Variants in KIF25 observed in about 807,000 individuals in gnomAD.
The protein encoded by KIF25 is kinesin-like protein KIF25.
KIF25 carries 19 observed loss-of-function variants against 32.9 expected under a neutral mutation model. The observed-to-expected ratio is 0.58, with a 90% CI of 0.40 to 0.85. The LOEUF (loss-of-function observed/expected upper bound fraction) is 0.85. Ranked by LOEUF, KIF25 falls within the 40% of genes least tolerant of loss-of-function variation. The pLI is 0.00. For missense variants in KIF25, 485 were observed against 507.0 expected (o/e 0.96, Z 0.42); for synonymous variants, 225 against 213.7 (o/e 1.05, Z -0.46).
Position 168,033,922 on chromosome 6 carries a change from G to A in KIF25, c.208G>A (p.Gly70Arg), listed in dbSNP as rs746548637. 40 of 1,613,994 alleles carry A rather than the reference G, an allele frequency of 2.5e-5. No individual in the cohort carries two copies. Among genetic ancestry groups the A allele is most frequent in the East Asian group, 1.1e-4 (5 of 44,896 alleles). The change falls in exon 8 of 13, where the codon GGA becomes AGA. Residue 70 changes from glycine to arginine, a missense_variant. Physicochemically the swap from Gly to Arg is moderately radical, Grantham distance 125 (BLOSUM62 -2). Transcript: ENST00000643607. ...TATGGCGTATGGACAGACGGGCAGC[G>A]GAAAGAGCTATACCATGCTGGGACG... ...CVMAYGQTGS[G>R]KSYTMLGRHS...
At chr6:168,014,185 C>T (rs1306611875) in intron 4 of KIF25, among the ~76,000 whole-genome samples, 1 of 152,120 alleles carries the variant, frequency 6.6e-6, no homozygotes, top group Non-Finnish European at 1.5e-5. Flanking sequence ...AATTGCCTTT[C>T]TACGCTTCCC....
chr6:168,025,309 C>A (rs1330496014), intron 5 of KIF25, among the ~76,000 whole-genome samples: 1 of 152,122 alleles, frequency 6.6e-6, no homozygotes, highest in Non-Finnish European at 1.5e-5. Flanking sequence ...GCCGCTGCTC[C>A]AACTTCTCAT....
At position 168,031,735 on chromosome 6, in the gene KIF25, C is replaced by T. The variant is rs1344912377; in HGVS notation, c.167+888C>T. On this transcript the variant is annotated intron_variant, in intron 7 of 12. Coordinates refer to ENST00000643607, the MANE Select transcript of KIF25 (RefSeq NM_030615.4). ...CAGATTCCAGAAATAAAAAAGACAT[C>T]GTGGTCACAGTGATCACTGCCAGAA... Among the ~76,000 whole-genome samples the T allele has an allele frequency of 4.6e-5, 7 of 152,180 alleles. No individual in the cohort carries two copies. The East Asian group carries it at 9.6e-4, about 21-fold the overall frequency.
chr6:168,041,885 C>T (rs1799124244), intron 10 of KIF25, 84 bp from the exon 11 acceptor site: 1 of 1,385,478 alleles, frequency 7.2e-7, no homozygotes, highest in Admixed American at 2.1e-5. Flanking sequence ...AGTTCAGAAG[C>T]TTCTCGGCTC....
rs547025698 is a variant in KIF25 at position 168,003,678 on chromosome 6, G to T, written c.-188G>T. On this transcript the variant is annotated 5_prime_UTR_variant, in exon 4 of 13. Coordinates refer to ENST00000643607, the MANE Select transcript of KIF25 (RefSeq NM_030615.4). ...GAGTCTACAAGTTTCCTCACAAATTGTATTCAGAGAGCAGCTTCCTGCTTG... is the reference window on the plus strand; with the variant it reads ...GAGTCTACAAGTTTCCTCACAAATTTTATTCAGAGAGCAGCTTCCTGCTTG... 2.0e-5 allele frequency: 3 copies of T among 152,336 alleles called. No individual in the cohort carries two copies. In the South Asian group the frequency reaches 6.2e-4, roughly 32 times the overall value. The allele number at this position is 152,336 out of a possible 1,614,324, so 9.4% of individuals were successfully genotyped here.
At chr6:168,015,419 T>C (rs1336677495) in intron 4 of KIF25, among the ~76,000 whole-genome samples, 2 of 152,232 alleles carry the variant, frequency 1.3e-5, no homozygotes, top group Non-Finnish European at 2.9e-5. Context: ...AAAAACTAGA[T>C]GCTACAGCAT....
At chr6:168,031,736 G>A (rs532778597) in intron 7 of KIF25, among the ~76,000 whole-genome samples, 3 of 152,318 alleles carry the variant, frequency 2.0e-5, no homozygotes, top group Admixed American at 6.5e-5. Context: ...AAAAGACATC[G>A]TGGTCACAGT....
Position 168,030,858 on chromosome 6 carries a change from A to T in KIF25, c.167+11A>T, listed in dbSNP as rs375805319. On this transcript the variant is annotated intron_variant, in intron 7 of 12. Coordinates refer to ENST00000643607, the MANE Select transcript of KIF25 (RefSeq NM_030615.4). The stretch of plus-strand genomic sequence containing the variant: ...TTCTCTCTTGGATGGGTGAGTTAAA[A>T]TATTTTTAAGGCCAGTCATCATAGT... 4.2e-5 allele frequency: 67 copies of T among 1,599,424 alleles called. No individual in the cohort carries two copies. In the African/African-American group the frequency reaches 8.3e-4, roughly 20 times the overall value.
At chr6:168,037,850 G>C (rs1799046973) in intron 8 of KIF25, among the ~76,000 whole-genome samples, 1 of 152,104 alleles carries the variant, frequency 6.6e-6, no homozygotes, top group Admixed American at 6.5e-5. Context: ...CGAGTAGTTG[G>C]GACTACAGGC....
At chr6:168,023,520 G>T (rs981803913) in intron 5 of KIF25, among the ~76,000 whole-genome samples, 26 of 151,968 alleles carry the variant, frequency 1.7e-4, no homozygotes, top group African/African-American at 6.3e-4. Context: ...GGCCCACCTT[G>T]GTCTCCCAAA....
intron 4 of KIF25, among the ~76,000 whole-genome samples, chr6:168,009,299 G>C (rs926157524): frequency 6.7e-6 from 1 of 148,896 alleles, no homozygotes; most frequent in Non-Finnish European, 1.5e-5. Flanking sequence ...TGAATATTTT[G>C]AAAAGCTTTT....
intron 7 of KIF25, among the ~76,000 whole-genome samples, chr6:168,031,348 C>A (rs981296486): frequency 6.6e-6 from 1 of 152,196 alleles, no homozygotes; most frequent in Non-Finnish European, 1.5e-5. Context: ...ATACTTTCCA[C>A]TCTGGGGCAT....
At chr6:168,016,321 G>T (rs144653385) in intron 4 of KIF25, among the ~76,000 whole-genome samples, 1 of 152,220 alleles carries the variant, frequency 6.6e-6, no homozygotes, top group Non-Finnish European at 1.5e-5. Flanking sequence ...TGACTGCCCA[G>T]TAAATACTCA....
intron 12 of KIF25, among the ~76,000 whole-genome samples, chr6:168,043,524 T>A (rs567360907): frequency 6.6e-6 from 1 of 152,306 alleles, no homozygotes; most frequent in South Asian, 2.1e-4. Flanking sequence ...CATTGTGGGG[T>A]ATTTCCCCCT....
At chr6:168,032,639 T>C (rs4708628) in intron 7 of KIF25, among the ~76,000 whole-genome samples, 36,627 of 152,136 alleles carry the variant, frequency 0.24, 4,733 homozygotes, top group Non-Finnish European at 0.32. Flanking sequence ...CCTGTCCTTT[T>C]CTAGGGGAGA....
chr6:168,024,976 G>A (rs531474741), intron 5 of KIF25, among the ~76,000 whole-genome samples: 7 of 152,184 alleles, frequency 4.6e-5, no homozygotes, highest in African/African-American at 1.4e-4. Flanking sequence ...GCATGAACCC[G>A]GGAGGCAGAG....
intron 2 of KIF25, among the ~76,000 whole-genome samples, chr6:168,001,722 C>T (rs1016080842): frequency 4.1e-5 from 3 of 72,958 alleles, no homozygotes; most frequent in Admixed American, 2.5e-4. Flanking sequence ...GGCGTGGCCG[C>T]GGGCAGGTGA....
chr6:168,006,936 C>G (rs1269317055), intron 4 of KIF25, among the ~76,000 whole-genome samples: 3 of 152,170 alleles, frequency 2.0e-5, no homozygotes, highest in Admixed American at 6.5e-5. Context: ...ATTGCTCTTA[C>G]TATGTCCCCA....
intron 7 of KIF25, among the ~76,000 whole-genome samples, chr6:168,032,767 T>C (rs190697687): frequency 6.6e-6 from 1 of 152,348 alleles, no homozygotes; most frequent in East Asian, 1.9e-4. Context: ...GGAGTCACAG[T>C]TGACCAGTTA....
Sources: allele counts gnomAD v4.1 joint callset (sites outside exome capture counted in the v4.1 genomes callset), GRCh38; gene constraint gnomAD v4.1.1; transcripts MANE v1.5; gene names NCBI Gene and HGNC (gene_info 2026-07-23, HGNC 2026-07-21).